NALF1: variants seen among roughly 807,000 people sequenced by gnomAD.
The protein encoded by NALF1 is family with sequence similarity 155 member A.
NALF1 carries 3 observed loss-of-function variants against 48.4 expected under a neutral mutation model. The observed-to-expected ratio is 0.06, with a 90% CI of 0.03 to 0.16. The LOEUF (loss-of-function observed/expected upper bound fraction) is 0.16. NALF1 is among the 10% of genes least tolerant of loss of function. The pLI, the probability that NALF1 is intolerant of heterozygous loss-of-function variation, is 1.00. For missense variants in NALF1, 526 were observed against 571.5 expected, an observed-to-expected ratio of 0.92 and a Z score of 0.81; for synonymous variants, 262 against 245.7, an observed-to-expected ratio of 1.07 and a Z score of -0.62.
intron 1 of NALF1, among the ~76,000 whole-genome samples, chr13:107,781,997 G>T (rs1877902245): frequency 6.6e-6 from 1 of 152,138 alleles, no homozygotes; most frequent in African/African-American, 2.4e-5. Flanking sequence ...TTACACTTCT[G>T]TGCAATGGTT....
At chr13:107,529,501 T>C (rs1309626009) in intron 1 of NALF1, among the ~76,000 whole-genome samples, 1 of 152,164 alleles carries the variant, frequency 6.6e-6, no homozygotes, top group Non-Finnish European at 1.5e-5. Flanking sequence ...TCAAACTTTC[T>C]GCTTTTGACT....
At chr13:107,547,685 G>T (rs545618505) in intron 1 of NALF1, among the ~76,000 whole-genome samples, 1 of 152,228 alleles carries the variant, frequency 6.6e-6, no homozygotes, top group South Asian at 2.1e-4. Context: ...CACTGTCCTT[G>T]CATCTATATC....
chr13:107,388,828 T>C (rs2138980949), intron 1 of NALF1, among the ~76,000 whole-genome samples: 1 of 151,908 alleles, frequency 6.6e-6, no homozygotes, highest in East Asian at 1.9e-4. Context: ...TAGCAACATC[T>C]TTCCAGTCAA....
intron 1 of NALF1, among the ~76,000 whole-genome samples, chr13:107,249,236 G>A (rs1311451577): frequency 6.6e-6 from 1 of 152,074 alleles, no homozygotes; most frequent in East Asian, 1.9e-4. Context: ...ATGATAGGGA[G>A]ATAATTTTGC....
At chr13:107,739,822 A>G (rs7318450) in intron 1 of NALF1, among the ~76,000 whole-genome samples, 150,647 of 152,222 alleles carry the variant, frequency 0.99, 74,567 homozygotes, top group East Asian at 1. Context: ...CATCGGTGGC[A>G]GCATCAGATG....
At chr13:107,315,185 TCTA>T (rs886819571) in intron 1 of NALF1, among the ~76,000 whole-genome samples, 30 of 152,098 alleles carry the variant, frequency 2.0e-4, no homozygotes, top group African/African-American at 6.0e-4. Context: ...ATTAAAGAAT[TCTA>T]CTACCTTTCA....
At chr13:107,608,408 G>C (rs939989492) in intron 1 of NALF1, among the ~76,000 whole-genome samples, 2 of 152,194 alleles carry the variant, frequency 1.3e-5, no homozygotes, top group African/African-American at 2.4e-5. Flanking sequence ...GAAATGAACT[G>C]AGCCTACAGA....
chr13:107,397,915 T>C (rs1179637157), intron 1 of NALF1, among the ~76,000 whole-genome samples: 1 of 152,132 alleles, frequency 6.6e-6, no homozygotes, highest in African/African-American at 2.4e-5. Context: ...ATGATGGCCA[T>C]TGTGAAAAGT....
chr13:107,418,927 T>C (rs1253201439), intron 1 of NALF1, among the ~76,000 whole-genome samples: 1 of 152,222 alleles, frequency 6.6e-6, no homozygotes, highest in African/African-American at 2.4e-5. Context: ...CATTGAATTT[T>C]ATCTTTTATT....
intron 1 of NALF1, among the ~76,000 whole-genome samples, chr13:107,705,430 G>A (rs1881924423): frequency 6.6e-6 from 1 of 152,084 alleles, no homozygotes; most frequent in African/African-American, 2.4e-5. Context: ...GTATGCACTT[G>A]CTTTTAGATA....
At chr13:107,732,521 C>G (rs1015436087) in intron 1 of NALF1, among the ~76,000 whole-genome samples, 3 of 152,134 alleles carry the variant, frequency 2.0e-5, no homozygotes, top group African/African-American at 4.8e-5. Flanking sequence ...ATGTCCTTCT[C>G]TCTATGCAAG....
intron 1 of NALF1, among the ~76,000 whole-genome samples, chr13:107,696,354 G>A (rs1007131891): frequency 5.9e-5 from 9 of 152,140 alleles, no homozygotes; most frequent in Non-Finnish European, 1.0e-4. Flanking sequence ...AATCATAGTG[G>A]ACATCCATTT....
chr13:107,775,861 T>C (rs1211149803), intron 1 of NALF1, among the ~76,000 whole-genome samples: 1 of 152,224 alleles, frequency 6.6e-6, no homozygotes, highest in South Asian at 2.1e-4. Flanking sequence ...ATAAGCTGAA[T>C]AATACCTCTG....
At chr13:107,352,029 G>A (rs964256161) in intron 1 of NALF1, among the ~76,000 whole-genome samples, 1 of 152,206 alleles carries the variant, frequency 6.6e-6, no homozygotes, top group African/African-American at 2.4e-5. Flanking sequence ...ACCTCATAGT[G>A]AGCAAACATA....
intron 1 of NALF1, among the ~76,000 whole-genome samples, chr13:107,654,253 ACCT>A (rs1880521028): frequency 6.6e-6 from 1 of 152,134 alleles, no homozygotes; most frequent in South Asian, 2.1e-4. Context: ...TACTGTAAAC[ACCT>A]TTATGTGCAT....
At chr13:107,775,254 G>C (rs1444893612) in intron 1 of NALF1, among the ~76,000 whole-genome samples, 1 of 133,006 alleles carries the variant, frequency 7.5e-6, no homozygotes, top group Non-Finnish European at 1.5e-5. Flanking sequence ...CCCTTCCTGT[G>C]TCCATGTGTT....
chr13:107,328,266 C>T (rs570837667), intron 1 of NALF1, among the ~76,000 whole-genome samples: 34 of 125,656 alleles, frequency 2.7e-4, no homozygotes, highest in African/African-American at 9.9e-4. Context: ...CTTTTCATCT[C>T]CTGCAATACA....
rs868768601 is a variant in NALF1 at position 107,724,589 on chromosome 13, T to A, written c.915+141093A>T. On this transcript the variant is annotated intron_variant, in intron 1 of 2. Transcript: ENST00000375915. The stretch of plus-strand genomic sequence containing the variant: ...TACTTTGCTCGTTTTTGAGACAGGG[T>A]CTCACTCTGTAGTCCAGGCTTGAGT... Among the ~76,000 whole-genome samples, 3 of 128,426 alleles carry A rather than the reference T, an allele frequency of 2.3e-5. No individual in the cohort carries two copies. In the Admixed American group the frequency reaches 2.6e-4, roughly 11 times the overall value. 84.3% of individuals were successfully genotyped at this position (128,426 alleles called of 152,430 possible).
chr13:107,350,511 G>A (rs1162782399), intron 1 of NALF1, among the ~76,000 whole-genome samples: 1 of 152,226 alleles, frequency 6.6e-6, no homozygotes, highest in Non-Finnish European at 1.5e-5. Flanking sequence ...CAGTGAAGCT[G>A]AGGGGACAGC....
Sources: gnomAD v4.1 joint callset for allele counts (sites outside exome capture counted in the v4.1 genomes callset) on GRCh38, gnomAD v4.1.1 for gene constraint, MANE v1.5 for transcripts, NCBI Gene and HGNC (gene_info 2026-07-23, HGNC 2026-07-21) for gene names.